Variants in DYRK1A observed in about 807,000 individuals in gnomAD.
DYRK1A encodes the protein dual specificity tyrosine-phosphorylation-regulated kinase 1A.
A neutral mutation model predicts 79.7 loss-of-function variants in DYRK1A; 9 were observed. The ratio of observed to expected loss-of-function variants is 0.11; its 90% CI spans 0.07 to 0.20. The LOEUF (loss-of-function observed/expected upper bound fraction) is 0.20. DYRK1A is among the 10% of genes least tolerant of loss of function. DYRK1A has a pLI of 1.00. For synonymous variants in DYRK1A, 349 were observed against 329.7 expected (o/e 1.06, Z -0.63); for missense variants, 622 against 956.0 (o/e 0.65, Z 4.61).
rs913833170 is a variant in DYRK1A, at chr21:37,515,509, C to T, written c.*2978C>T. The T allele has an allele frequency of 3.3e-5, 5 of 152,106 alleles. No individual in the cohort carries two copies. Among genetic ancestry groups the T allele is most frequent in the Non-Finnish European group, 7.4e-5 (5 of 68,024 alleles). 9.4% of individuals were successfully genotyped at this position (152,106 alleles called of 1,614,324 possible). A position where few individuals can be genotyped will look rare whatever the true frequency, so the allele number is the denominator to read the frequency against. On this transcript the variant is annotated 3_prime_UTR_variant, in exon 12 of 12. Coordinates refer to ENST00000647188, the MANE Select transcript of DYRK1A (RefSeq NM_001347721.2). ...GATGGTTTTCTCTGATATGCTTTGA[C>T]GTGCTTGGATGAAGGAAGGAATACG...
At chr21:37,511,843 C>CT (rs1386813559) in intron 11 of DYRK1A, 68 bp from the exon 12 acceptor site, 4 of 1,537,236 alleles carry the variant, frequency 2.6e-6, no homozygotes, top group Non-Finnish European at 3.5e-6. Context: ...AGTGTCATGG[C>CT]TTTTGATGGA....
At chr21:37,473,137 A>C (rs1479699719) in intron 3 of DYRK1A, among the ~76,000 whole-genome samples, 2 of 152,034 alleles carry the variant, frequency 1.3e-5, no homozygotes, top group African/African-American at 4.8e-5. Context: ...ATTTCTGAAG[A>C]ATATTAAAGG....
In DYRK1A at chr21:37,521,083, A is replaced by G. The variant is rs1258025281; in HGVS notation, c.*8552A>G. 3 of 152,178 alleles carry G rather than the reference A, an allele frequency of 2.0e-5. No individual in the cohort carries two copies. The East Asian group carries it at 5.8e-4, about 29-fold the overall frequency. 9.4% of individuals were successfully genotyped at this position (152,178 alleles called of 1,614,324 possible). A position where few individuals can be genotyped will look rare whatever the true frequency, so the allele number is the denominator to read the frequency against. Reference sequence around the variant, plus strand: ...CTACTTAACATCTTCTGTAGTCTTGAAGAATTCAGATGAGGAGCTTGTCCA... The same window carrying G: ...CTACTTAACATCTTCTGTAGTCTTGGAGAATTCAGATGAGGAGCTTGTCCA... On this transcript the variant is annotated 3_prime_UTR_variant, in exon 12 of 12. Coordinates refer to ENST00000647188, the MANE Select transcript of DYRK1A (RefSeq NM_001347721.2).
At chr21:37,420,680 C>G (rs1018826811) in intron 2 of DYRK1A, among the ~76,000 whole-genome samples, 3 of 152,058 alleles carry the variant, frequency 2.0e-5, no homozygotes, top group Non-Finnish European at 4.4e-5. Flanking sequence ...ATAACACAGT[C>G]ACCTTTATGG....
At position 37,493,173 on chromosome 21, in the gene DYRK1A, G is replaced by A; in HGVS notation, c.1071+10G>A. ...CAGTGGTGCCAATGAGGTAAATGAT[G>A]TATTGCTTTACAAATTCTGTTTTCA... On this transcript the variant is annotated intron_variant, in intron 8 of 11. Transcript: ENST00000647188. 1.9e-6 allele frequency: 3 copies of A among 1,577,050 alleles called. No individual in the cohort carries two copies. Among genetic ancestry groups the A allele is most frequent in the African/African-American group, 1.3e-5 (1 of 74,330 alleles).
At position 37,493,131 on chromosome 21, in the gene DYRK1A, A is replaced by G. The variant is rs145857775; in HGVS notation, c.1039A>G (p.Thr347Ala). Residue 347 changes from threonine (T) to alanine (A), a missense_variant, in exon 8 of 12, where the codon ACT (threonine) becomes GCT (alanine). Physicochemically the swap from Thr to Ala is moderately conservative, Grantham distance 58. This residue lies in a region of DYRK1A where 138 missense variants were observed against 346.4 expected (regional missense o/e 0.40). Coordinates refer to ENST00000647188, the MANE Select transcript of DYRK1A (RefSeq NM_001347721.2). ...CGGGTGTATTTTGGTTGAAATGCAC[A>G]CTGGAGAACCTCTGTTCAGTGGTGC... ...SLGCILVEMHTGEPLFSGANE... is the reference protein window; with the variant it reads ...SLGCILVEMHAGEPLFSGANE... The G allele has an allele frequency of 1.6e-3, 2,553 of 1,613,524 alleles. 7 individuals are homozygous for G. The highest frequency in any genetic ancestry group is 1.3e-3 in the Non-Finnish European group (1,586 of 1,179,564).
chr21:37,395,306 A>G (rs1268089744), intron 1 of DYRK1A, among the ~76,000 whole-genome samples: 2 of 152,146 alleles, frequency 1.3e-5, no homozygotes, highest in Non-Finnish European at 2.9e-5. Flanking sequence ...TGAAGATCGC[A>G]TTTTTAGGCC....
chr21:37,372,887 G>C (rs778439859), intron 1 of DYRK1A, among the ~76,000 whole-genome samples: 1 of 151,920 alleles, frequency 6.6e-6, no homozygotes, highest in South Asian at 2.1e-4. Context: ...AGGACCATTT[G>C]TTTTTCTTTG....
intron 1 of DYRK1A, among the ~76,000 whole-genome samples, chr21:37,408,278 C>T (rs956995233): frequency 1.6e-4 from 24 of 152,148 alleles, no homozygotes; most frequent in Non-Finnish European, 2.4e-4. Context: ...GACTGTACTT[C>T]TGACACTTTT....
At position 37,521,093 on chromosome 21, in the gene DYRK1A, A is replaced by C. The variant is rs994331434; in HGVS notation, c.*8562A>C. On this transcript the variant is annotated 3_prime_UTR_variant, in exon 12 of 12. Coordinates refer to ENST00000647188, the MANE Select transcript of DYRK1A (RefSeq NM_001347721.2). ...TCTTCTGTAGTCTTGAAGAATTCAG[A>C]TGAGGAGCTTGTCCAGGGAGGGCTC... is the stretch of plus-strand genomic sequence containing the variant. 1 of 152,208 alleles carries C rather than the reference A, an allele frequency of 6.6e-6. No homozygotes were observed. Among genetic ancestry groups the C allele is most frequent in the Non-Finnish European group, 1.5e-5 (1 of 68,042 alleles). 9.4% of individuals were successfully genotyped at this position (152,208 alleles called of 1,614,324 possible).
intron 9 of DYRK1A, 42 bp downstream of exon 9, chr21:37,496,300 C>A (rs1192115576): frequency 6.4e-7 from 1 of 1,569,598 alleles, no homozygotes. Context: ...TATTAAATTT[C>A]TTTATCATAC....
chr21:37,412,295 A>T (rs8128582), intron 1 of DYRK1A, among the ~76,000 whole-genome samples: 1,544 of 152,334 alleles, frequency 0.01, 23 homozygotes, highest in African/African-American at 0.034. Context: ...TAAATTATAG[A>T]GGGGTTAAAT....
chr21:37,455,067 G>A (rs1447499749), intron 2 of DYRK1A, among the ~76,000 whole-genome samples: 2 of 146,746 alleles, frequency 1.4e-5, no homozygotes, highest in Non-Finnish European at 3.0e-5. Flanking sequence ...AGCAGGTTAG[G>A]TTACATTCTG....
chr21:37,368,968 T>TC (rs201617122), intron 1 of DYRK1A, among the ~76,000 whole-genome samples: 1,534 of 151,538 alleles, frequency 0.01, 21 homozygotes, highest in African/African-American at 0.033. Flanking sequence ...TTCAGGCCTT[T>TC]CCCCCCCCAA....
intron 1 of DYRK1A, among the ~76,000 whole-genome samples, chr21:37,403,849 G>A (rs1011882986): frequency 1.3e-5 from 2 of 151,068 alleles, no homozygotes; most frequent in South Asian, 4.2e-4. Context: ...CTAAAGTCTG[G>A]TTGGTCACCT....
intron 1 of DYRK1A, among the ~76,000 whole-genome samples, chr21:37,414,556 GTCT>G (rs1331694925): frequency 6.6e-6 from 1 of 152,102 alleles, no homozygotes; most frequent in Admixed American, 6.5e-5. Context: ...GTTCACTGAG[GTCT>G]TCTGGGCCTG....
At chr21:37,482,860 C>T (rs993327681) in intron 5 of DYRK1A, among the ~76,000 whole-genome samples, 1 of 152,216 alleles carries the variant, frequency 6.6e-6, no homozygotes, top group Non-Finnish European at 1.5e-5. Flanking sequence ...CGATATTTCT[C>T]CCATTTGCTT....
intron 4 of DYRK1A, among the ~76,000 whole-genome samples, chr21:37,479,295 A>G: frequency 6.6e-6 from 1 of 152,310 alleles, no homozygotes; most frequent in Non-Finnish European, 1.5e-5. Flanking sequence ...CATGTTCCAG[A>G]CTAGCTTGTG....
At chr21:37,439,623 A>G (rs1427694794) in intron 2 of DYRK1A, among the ~76,000 whole-genome samples, 1 of 152,166 alleles carries the variant, frequency 6.6e-6, no homozygotes, top group Non-Finnish European at 1.5e-5. Context: ...TTCTTATGAG[A>G]GTCTAATGCC....
Sources: gnomAD v4.1 joint callset for allele counts (sites outside exome capture counted in the v4.1 genomes callset) on GRCh38, gnomAD v4.1.1 for gene constraint, gnomAD v4.1.1 regional missense constraint, MANE v1.5 for transcripts, NCBI Gene and HGNC (gene_info 2026-07-23, HGNC 2026-07-21) for gene names.